ENTREP2: variants seen among roughly 807,000 people sequenced by gnomAD.
ENTREP2 encodes the protein endosomal transmembrane epsin interactor 2.
chr15:29,371,609 A>T, the ENTREP2 span, among the ~76,000 whole-genome samples: 9 of 152,300 alleles, frequency 5.9e-5, no homozygotes, highest in South Asian at 1.5e-3. Context: ...TGCACCCATT[A>T]AATGAGTGTT....
At chr15:29,395,833 A>G in the ENTREP2 span, among the ~76,000 whole-genome samples, 1 of 151,838 alleles carries the variant, frequency 6.6e-6, no homozygotes, top group Non-Finnish European at 1.5e-5. Context: ...CACGCCAGCC[A>G]TTGTTGTGAT....
the ENTREP2 span, among the ~76,000 whole-genome samples, chr15:29,466,201 G>A: frequency 2.0e-5 from 3 of 152,170 alleles, no homozygotes; most frequent in Non-Finnish European, 4.4e-5. Flanking sequence ...TGCCTCAAAG[G>A]GCAGGTTAAA....
At chr15:29,388,754 C>T in the ENTREP2 span, among the ~76,000 whole-genome samples, 1 of 151,942 alleles carries the variant, frequency 6.6e-6, no homozygotes, top group Non-Finnish European at 1.5e-5. Context: ...GAAAATATGC[C>T]ACATATACAA....
chr15:29,670,225 G>A, the ENTREP2 span, among the ~76,000 whole-genome samples: 2 of 152,176 alleles, frequency 1.3e-5, no homozygotes, highest in African/African-American at 4.8e-5. Context: ...CAGTGCGGTT[G>A]GCAGACAGGG....
chr15:29,153,374 G>C, the ENTREP2 span, among the ~76,000 whole-genome samples: 1,636 of 152,276 alleles, frequency 0.011, 9 homozygotes, highest in Admixed American at 0.02. Flanking sequence ...TCTGAGATCA[G>C]GGTGCCAGCC....
the ENTREP2 span, among the ~76,000 whole-genome samples, chr15:29,174,072 G>C: frequency 2.0e-5 from 3 of 152,008 alleles, no homozygotes; most frequent in African/African-American, 7.3e-5. Flanking sequence ...AATCTTAATC[G>C]TAGGTGGAAA....
the ENTREP2 span, among the ~76,000 whole-genome samples, chr15:29,506,821 A>G: frequency 6.6e-6 from 1 of 152,352 alleles, no homozygotes; most frequent in Non-Finnish European, 1.5e-5. Context: ...TGTAAAGACT[A>G]TCAACACTAT....
the ENTREP2 span, among the ~76,000 whole-genome samples, chr15:29,354,738 G>A: frequency 6.6e-6 from 1 of 152,170 alleles, no homozygotes; most frequent in East Asian, 1.9e-4. Flanking sequence ...CAAGAGAAAA[G>A]GAGACTGCCC....
the ENTREP2 span, among the ~76,000 whole-genome samples, chr15:29,495,587 A>C: frequency 6.6e-6 from 1 of 152,010 alleles, no homozygotes; most frequent in Admixed American, 6.6e-5. Context: ...ATAACTCTCC[A>C]ATTTTGTTTC....
At chr15:29,463,272 A>G in the ENTREP2 span, among the ~76,000 whole-genome samples, 2 of 152,114 alleles carry the variant, frequency 1.3e-5, no homozygotes, top group African/African-American at 4.8e-5. Context: ...CTGTCTCATG[A>G]AGCACTGTGA....
At chr15:29,296,226 A>T in the ENTREP2 span, among the ~76,000 whole-genome samples, 183 of 152,328 alleles carry the variant, frequency 1.2e-3, no homozygotes, top group African/African-American at 4.4e-3. Context: ...CCCAATTAAT[A>T]GAAACAGTAA....
chr15:29,151,627 T>A, the ENTREP2 span: 1 of 842,918 alleles, frequency 1.2e-6, no homozygotes, highest in Non-Finnish European at 1.9e-6. Context: ...CCAGGTGCCA[T>A]GGACTGTCAG....
At chr15:29,150,324 C>T in the ENTREP2 span, among the ~76,000 whole-genome samples, 5 of 152,216 alleles carry the variant, frequency 3.3e-5, no homozygotes, top group African/African-American at 4.8e-5. Context: ...CTGTTATACT[C>T]GTATATGCTC....
the ENTREP2 span, among the ~76,000 whole-genome samples, chr15:29,322,975 A>G: frequency 5.3e-5 from 8 of 152,218 alleles, no homozygotes; most frequent in East Asian, 1.5e-3. Context: ...GTCAACATCT[A>G]TTGAGTGATT....
the ENTREP2 span, among the ~76,000 whole-genome samples, chr15:29,225,949 C>T: frequency 3.3e-5 from 5 of 152,296 alleles, no homozygotes; most frequent in Middle Eastern, 3.4e-3. Flanking sequence ...AACTGTCCAC[C>T]GCAGCTCCCC....
the ENTREP2 span, among the ~76,000 whole-genome samples, chr15:29,460,523 T>C: frequency 2.6e-5 from 4 of 151,968 alleles, no homozygotes; most frequent in African/African-American, 4.8e-5. Context: ...TCCCAGCTAC[T>C]TGGGAGGCTG....
chr15:29,491,480 C>A, the ENTREP2 span, among the ~76,000 whole-genome samples: 2 of 152,176 alleles, frequency 1.3e-5, no homozygotes, highest in Non-Finnish European at 2.9e-5. Context: ...AACAAACCAT[C>A]AATTCTTTTG....
the ENTREP2 span, among the ~76,000 whole-genome samples, chr15:29,528,701 C>T: frequency 6.0e-5 from 9 of 149,226 alleles, no homozygotes; most frequent in Non-Finnish European, 1.2e-4. Flanking sequence ...GTAGGATTAG[C>T]TCCACCATGA....
chr15:29,128,662 A>G, the ENTREP2 span: 2 of 769,036 alleles, frequency 2.6e-6, no homozygotes, highest in African/African-American at 1.7e-5. Context: ...ACCCTCTTAA[A>G]GAGTAAGAAA....
Sources: allele counts gnomAD v4.1 joint callset (sites outside exome capture counted in the v4.1 genomes callset), GRCh38; gene constraint gnomAD v4.1.1; transcripts MANE v1.5; gene names NCBI Gene and HGNC (gene_info 2026-07-23, HGNC 2026-07-21).